GRM3: variants seen among roughly 807,000 people sequenced by gnomAD.
GRM3 encodes the protein glutamate metabotropic receptor 3.
A neutral mutation model predicts 70.5 loss-of-function variants in GRM3; 26 were observed. The ratio of observed to expected loss-of-function variants is 0.37; its 90% CI spans 0.27 to 0.51. The LOEUF (loss-of-function observed/expected upper bound fraction) is 0.51. Ranked by LOEUF, GRM3 falls within the 20% of genes least tolerant of loss-of-function variation. GRM3 has a pLI of 0.93. For missense variants in GRM3, 859 were observed against 1,123.8 expected, an observed-to-expected ratio of 0.76 and a Z score of 3.37; for synonymous variants, 443 against 434.9, an observed-to-expected ratio of 1.02 and a Z score of -0.23.
intron 1 of GRM3, among the ~76,000 whole-genome samples, chr7:86,710,356 T>G (rs1176689494): frequency 6.6e-6 from 1 of 151,912 alleles, no homozygotes; most frequent in Non-Finnish European, 1.5e-5. Context: ...TCTTCATGTT[T>G]TTCCTAAGTC....
At chr7:86,767,140 G>C (rs1319523527) in intron 2 of GRM3, among the ~76,000 whole-genome samples, 1 of 151,760 alleles carries the variant, frequency 6.6e-6, no homozygotes, top group African/African-American at 2.4e-5. Context: ...TGAACCCAGG[G>C]GGCAGAGATT....
intron 3 of GRM3, among the ~76,000 whole-genome samples, chr7:86,822,864 C>A (rs1798149400): frequency 6.6e-6 from 1 of 152,126 alleles, no homozygotes; most frequent in African/African-American, 2.4e-5. Flanking sequence ...TAAGAACTAA[C>A]CCCTATTCAG....
intron 3 of GRM3, among the ~76,000 whole-genome samples, chr7:86,826,995 C>A (rs772314553): frequency 2.6e-5 from 4 of 152,156 alleles, no homozygotes; most frequent in Non-Finnish European, 5.9e-5. Flanking sequence ...GTTTAGGAAA[C>A]AATGTGTCCA....
intron 1 of GRM3, among the ~76,000 whole-genome samples, chr7:86,695,382 A>C (rs765212338): frequency 1.3e-5 from 2 of 152,182 alleles, no homozygotes; most frequent in Non-Finnish European, 2.9e-5. Context: ...CATAATGTTC[A>C]GTTTCGAATA....
At chr7:86,849,384 A>C (rs751851765) in intron 4 of GRM3, among the ~76,000 whole-genome samples, 33 of 152,136 alleles carry the variant, frequency 2.2e-4, no homozygotes, top group Admixed American at 2.0e-4. Context: ...CAGGATTCAA[A>C]GTAAGCAAGG....
At chr7:86,817,309 A>T (rs1798035922) in intron 3 of GRM3, among the ~76,000 whole-genome samples, 1 of 151,930 alleles carries the variant, frequency 6.6e-6, no homozygotes, top group African/African-American at 2.4e-5. Context: ...GTTAAGCAAA[A>T]ACACCATTAT....
At chr7:86,831,512 CA>C (rs982734673) in intron 3 of GRM3, among the ~76,000 whole-genome samples, 5 of 152,096 alleles carry the variant, frequency 3.3e-5, no homozygotes, top group Admixed American at 3.3e-4. Flanking sequence ...TATGGACTTT[CA>C]GCTCAAATAA....
At chr7:86,777,112 C>T (rs963198434) in intron 2 of GRM3, among the ~76,000 whole-genome samples, 12 of 152,064 alleles carry the variant, frequency 7.9e-5, no homozygotes, top group East Asian at 1.9e-4. Flanking sequence ...GGAATAGCAT[C>T]GTGATGGTGA....
At position 86,786,818 on chromosome 7, in the gene GRM3, C is replaced by A. The variant is rs1341792591; in HGVS notation, c.1026C>A (p.Pro342=). 1 of 1,614,208 alleles carries A rather than the reference C, an allele frequency of 6.2e-7. No individual in the cohort carries two copies. Among genetic ancestry groups the A allele is most frequent in the Non-Finnish European group, 8.5e-7 (1 of 1,180,038 alleles). The change falls in exon 3 of 6, where the codon CCC becomes CCA. Residue 342 remains proline, a synonymous_variant. Transcript: ENST00000361669. This position sits in a 1 kb window ranked among gnomAD's most constrained non-coding sequence, Gnocchi z 6.0. ...QFDRYFQSLN[P]YNNHRNPWFR... The stretch of plus-strand genomic sequence containing the variant: ...ACCGCTACTTCCAGAGCCTCAACCC[C>A]TACAACAACCACCGCAACCCCTGGT...
intron 5 of GRM3, among the ~76,000 whole-genome samples, chr7:86,855,417 A>T (rs1798828055): frequency 6.6e-6 from 1 of 152,142 alleles, no homozygotes. Flanking sequence ...TCCTATAAGG[A>T]TATGTGTCTC....
In GRM3 at chr7:86,747,853, T is replaced by G. The variant is rs188892674; in HGVS notation, c.-140-17153T>G. 1.2e-3 allele frequency among the ~76,000 whole-genome samples: 184 copies of G among 152,248 alleles called. 1 individual carries two copies. The highest frequency in any genetic ancestry group is 3.4e-3 in the African/African-American group (141 of 41,570). ...AAGCAGCTAATAGCAGGATGTAATTTGAAGCAGCTTCGGCTCACTTACAGA... is the reference window on the plus strand; with the variant it reads ...AAGCAGCTAATAGCAGGATGTAATTGGAAGCAGCTTCGGCTCACTTACAGA... On this transcript the variant is annotated intron_variant, in intron 1 of 5. Transcript: ENST00000361669.
intron 3 of GRM3, among the ~76,000 whole-genome samples, chr7:86,835,420 A>G (rs1286340975): frequency 1.3e-5 from 2 of 152,186 alleles, no homozygotes; most frequent in Non-Finnish European, 2.9e-5. Context: ...TAAATATTTT[A>G]ATAATCTTGG....
At chr7:86,680,984 C>A (rs1471181609) in intron 1 of GRM3, among the ~76,000 whole-genome samples, 3 of 152,086 alleles carry the variant, frequency 2.0e-5, no homozygotes, top group African/African-American at 7.2e-5. Flanking sequence ...CTGGCCCAAT[C>A]CACAATATAG....
At position 86,786,842 on chromosome 7, in the gene GRM3, G is replaced by GTTCC; in HGVS notation, c.1051_1054dup (p.Arg352LeufsTer70). ...CCTACAACAACCACCGCAACCCCTG[G>GTTCC]TTCCGGGACTTCTGGGAGCAAAAGT... is the stretch of plus-strand genomic sequence containing the variant. On this transcript the variant is annotated frameshift_variant, in exon 3 of 6. Coordinates refer to ENST00000361669, the MANE Select transcript of GRM3 (RefSeq NM_000840.3). LOFTEE classifies it high-confidence loss of function. This position sits in a 1 kb window ranked among gnomAD's most constrained non-coding sequence, Gnocchi z 6.0. 6.2e-7 allele frequency: 1 copy of GTTCC among 1,614,188 alleles called. No homozygotes were observed. The highest frequency in any genetic ancestry group is 1.7e-5 in the Admixed American group (1 of 60,018).
intron 1 of GRM3, among the ~76,000 whole-genome samples, chr7:86,712,079 T>C (rs903770781): frequency 2.0e-5 from 3 of 152,080 alleles, no homozygotes; most frequent in Non-Finnish European, 4.4e-5. Flanking sequence ...GAAGAAAACC[T>C]CAGAGGTAGT....
intron 1 of GRM3, among the ~76,000 whole-genome samples, chr7:86,698,056 T>A (rs1410127463): frequency 6.6e-6 from 1 of 152,138 alleles, no homozygotes; most frequent in Non-Finnish European, 1.5e-5. Context: ...TGAGCTACAA[T>A]GTTGTCTATT....
At chr7:86,754,029 GA>G (rs1359794592) in intron 1 of GRM3, among the ~76,000 whole-genome samples, 1 of 152,002 alleles carries the variant, frequency 6.6e-6, no homozygotes, top group Non-Finnish European at 1.5e-5. Flanking sequence ...AAGCAGAACT[GA>G]AAAAATATGT....
At chr7:86,783,788 A>G (rs1380997813) in intron 2 of GRM3, among the ~76,000 whole-genome samples, 1 of 152,164 alleles carries the variant, frequency 6.6e-6, no homozygotes, top group African/African-American at 2.4e-5. Flanking sequence ...TCCATGATTC[A>G]TTTGTATTAC....
At chr7:86,651,165 C>T (rs1286535999) in intron 1 of GRM3, among the ~76,000 whole-genome samples, 1 of 152,160 alleles carries the variant, frequency 6.6e-6, no homozygotes, top group Non-Finnish European at 1.5e-5. Flanking sequence ...AGGAAACCTG[C>T]TGTCTTAATT....
Sources: gnomAD v4.1 joint callset for allele counts (sites outside exome capture counted in the v4.1 genomes callset) on GRCh38, gnomAD v4.1.1 for gene constraint, Gnocchi (gnomAD v3.1) non-coding constraint, MANE v1.5 for transcripts, NCBI Gene and HGNC (gene_info 2026-07-23, HGNC 2026-07-21) for gene names.